FAM98A: variants seen among roughly 807,000 people sequenced by gnomAD.
FAM98A encodes protein FAM98A.
In FAM98A, 25 loss-of-function variants were observed where a neutral mutation model predicts 62.9. The observed-to-expected ratio is 0.40, with a 90% CI of 0.29 to 0.56. FAM98A has a LOEUF of 0.56. Ranked by LOEUF, FAM98A falls within the 20% of genes least tolerant of loss-of-function variation. FAM98A has a pLI of 0.51. For missense variants in FAM98A, 653 were observed against 640.7 expected (o/e 1.02, Z -0.21); for synonymous variants, 252 against 228.6 (o/e 1.10, Z -0.92).
rs765206074 is a variant in FAM98A at position 33,586,564 on chromosome 2, T to C, written c.718A>G (p.Lys240Glu). ...VQSFGWSDRA[K>E]SQTEKLAKVY... ...CTTTTAAATTATTTAATGTGTACCTTAGCTCTGTCAGACCAGCCAAAGGAT... is the reference window on the plus strand; with the variant it reads ...CTTTTAAATTATTTAATGTGTACCTCAGCTCTGTCAGACCAGCCAAAGGAT... The change falls in exon 6 of 8, where the codon AAG (lysine) becomes GAG (glutamate). Residue 240 changes from lysine to glutamate, a missense_variant and splice_region_variant. Coordinates refer to ENST00000238823, the MANE Select transcript of FAM98A (RefSeq NM_015475.5). 3.8e-6 allele frequency: 6 copies of C among 1,579,682 alleles called. No homozygotes were observed. Among genetic ancestry groups the C allele is most frequent in the East Asian group, 2.2e-5 (1 of 44,692 alleles).
chr2:33,585,598 C>A lies in FAM98A; in HGVS notation c.820G>T (p.Asp274Tyr). The A allele has an allele frequency of 6.2e-7, 1 of 1,614,164 alleles. No individual in the cohort carries two copies. The highest frequency in any genetic ancestry group is 8.5e-7 in the Non-Finnish European group (1 of 1,180,038). Residue 274 changes from aspartate to tyrosine, a missense_variant, in exon 7 of 8, where the codon GAC becomes TAC. Transcript: ENST00000238823. ...CTTGTCCTTAAAATCTTTGACAAGT[C>A]CTGCCTTGCAGCCAAAAGATGGGCA... Reference protein sequence around the residue: ...SVAHLLAARQDLSKILRTSSG... With the variant: ...SVAHLLAARQYLSKILRTSSG...
rs930077539 is a variant in FAM98A at position 33,585,127 on chromosome 2, T to C, written c.1206A>G (p.Ser402=). 1.2e-6 allele frequency: 2 copies of C among 1,614,056 alleles called. No individual in the cohort carries two copies. Among genetic ancestry groups the C allele is most frequent in the Admixed American group, 1.7e-5 (1 of 60,008 alleles). ...CATGATAGCCACCTGGCTGGAAACC[T>C]GAATCTCGATAACCACCATCTTGGT... The part of the protein sequence containing the change: ...GGYQDGGYRD[S]GFQPGGYHGG... The change falls in exon 8 of 8, where the codon TCA becomes TCG. Residue 402 remains serine (S), a synonymous_variant. Coordinates refer to ENST00000238823, the MANE Select transcript of FAM98A (RefSeq NM_015475.5).
In FAM98A at chr2:33,599,177, T is replaced by C; in HGVS notation, c.45A>G (p.Glu15=). 1 of 1,613,862 alleles carries C rather than the reference T, an allele frequency of 6.2e-7. No individual in the cohort carries two copies. Among genetic ancestry groups the C allele is most frequent in the Non-Finnish European group, 8.5e-7 (1 of 1,179,786 alleles). The change falls in exon 1 of 8, where the codon GAA becomes GAG. Residue 15 remains glutamate, a synonymous_variant. Transcript: ENST00000238823. The part of the protein sequence containing the change: ...LMETDILESL[E]DLGYKGPLLE... ...TGCCCTGACAATCTTACCCTAGATC[T>C]TCCAACGACTCCAAGATGTCAGTCT... is the stretch of plus-strand genomic sequence containing the variant.
intron 3 of FAM98A, chr2:33,589,200 A>C: frequency 6.6e-6 from 1 of 152,138 alleles, no homozygotes; most frequent in East Asian, 1.9e-4. Flanking sequence ...AAAACCTTCA[A>C]AGCACTTTTT....
At chr2:33,594,894 G>A (rs975202860) in intron 2 of FAM98A, among the ~76,000 whole-genome samples, 1 of 152,176 alleles carries the variant, frequency 6.6e-6, no homozygotes, top group African/African-American at 2.4e-5. Flanking sequence ...TAGGTTCCAA[G>A]CTTTTGCCTC....
At chr2:33,598,386 TAA>T (rs1558552089) in intron 1 of FAM98A, among the ~76,000 whole-genome samples, 3 of 152,234 alleles carry the variant, frequency 2.0e-5, no homozygotes, top group African/African-American at 7.2e-5. Flanking sequence ...TTCTCAAGTT[TAA>T]TAGAGTACAC....
chr2:33,596,863 G>A (rs1413907063), intron 1 of FAM98A, among the ~76,000 whole-genome samples: 1 of 134,954 alleles, frequency 7.4e-6, no homozygotes, highest in African/African-American at 2.9e-5. Context: ...CTGCACTCCA[G>A]CCTGGGCGAC....
rs190968417 is a variant in FAM98A, at chr2:33,584,383, T to C, written c.*393A>G. 4.8e-3 allele frequency: 888 copies of C among 185,580 alleles called. 1 individual carries two copies. Among genetic ancestry groups the C allele is most frequent in the Non-Finnish European group, 7.5e-3 (660 of 88,588 alleles). 11.5% of individuals were successfully genotyped at this position (185,580 alleles called of 1,614,324 possible). On this transcript the variant is annotated 3_prime_UTR_variant, in exon 8 of 8. Transcript: ENST00000238823. ...GGTTATTCATATGAGGAAGGTTTCC[T>C]AGTAGTAAATCTAAAAAAGTCTAGG...
Position 33,584,779 on chromosome 2 carries a change from A to G in FAM98A, c.1554T>C (p.Ser518=). The stretch of plus-strand genomic sequence containing the variant: ...CAAAATGTAAGGTTCGGTAGCCTCA[A>G]CTAGTGTAATGTCTTCCCTGTCCAA... ...SGFGQGRHYT[S] The change falls in exon 8 of 8, where the codon AGT becomes AGC. Residue 518 remains serine, a synonymous_variant. Coordinates refer to ENST00000238823, the MANE Select transcript of FAM98A (RefSeq NM_015475.5). 6.3e-7 allele frequency: 1 copy of G among 1,590,798 alleles called. No individual in the cohort carries two copies. Among genetic ancestry groups the G allele is most frequent in the Non-Finnish European group, 8.6e-7 (1 of 1,162,850 alleles).
At chr2:33,585,994 T>C (rs544918714) in intron 6 of FAM98A, among the ~76,000 whole-genome samples, 123 of 152,346 alleles carry the variant, frequency 8.1e-4, no homozygotes, top group African/African-American at 2.9e-3. Context: ...TCCCCCATCA[T>C]TGGTCTCAGA....
intron 4 of FAM98A, chr2:33,587,971 G>C: frequency 4.2e-6 from 1 of 240,462 alleles, no homozygotes; most frequent in Non-Finnish European, 8.6e-6. Flanking sequence ...TGGGGAGGAG[G>C]GTGGTAACAT....
At position 33,584,633 on chromosome 2, in the gene FAM98A, T is replaced by C; in HGVS notation, c.*143A>G. On this transcript the variant is annotated 3_prime_UTR_variant, in exon 8 of 8. Transcript: ENST00000238823. ...AATAAAAAAATCTAACAGAATTGAA[T>C]GAAGACCTACAAATGCTTATGCCAA... 1.4e-6 allele frequency: 1 copy of C among 701,966 alleles called. No individual in the cohort carries two copies. Among genetic ancestry groups the C allele is most frequent in the East Asian group, 2.5e-5 (1 of 40,126 alleles). The allele number at this position is 701,966 out of a possible 1,614,324, so 43.5% of individuals were successfully genotyped here.
At chr2:33,594,656 CATATATAT>C (rs1341979693) in intron 2 of FAM98A, among the ~76,000 whole-genome samples, 1 of 84,506 alleles carries the variant, frequency 1.2e-5, no homozygotes, top group Non-Finnish European at 2.1e-5. Flanking sequence ...TATATACACA[CATATATAT>C]ACACATATAT....
intron 5 of FAM98A, 159 bp from the exon 6 acceptor site, chr2:33,586,837 A>G: frequency 1.7e-6 from 1 of 590,364 alleles, no homozygotes; most frequent in Non-Finnish European, 3.0e-6. Flanking sequence ...TAATGAAATG[A>G]TAGGTGACAA....
intron 1 of FAM98A, among the ~76,000 whole-genome samples, chr2:33,598,701 G>T (rs1277633848): frequency 6.6e-6 from 1 of 152,172 alleles, no homozygotes; most frequent in Non-Finnish European, 1.5e-5. Context: ...ATGCAGAGAT[G>T]ACTGGGCAAA....
At chr2:33,597,584 A>T (rs1677841482) in intron 1 of FAM98A, among the ~76,000 whole-genome samples, 1 of 152,142 alleles carries the variant, frequency 6.6e-6, no homozygotes, top group Admixed American at 6.5e-5. Flanking sequence ...AAAGTTAAAA[A>T]AAGGAGGGGG....
In FAM98A at chr2:33,584,917, A is replaced by G. The variant is rs11893662; in HGVS notation, c.1416T>C (p.Gly472=). Residue 472 remains glycine, a synonymous_variant, in exon 8 of 8, where the codon GGT becomes GGC. Transcript: ENST00000238823. ...GGRGGRGGRG[G]RAGQGGGWGG... ...CCCAGCCTCCTCCCTGGCCTGCACG[A>G]CCACCTCGGCCTCCACGACCACCTC... 2.7e-3 allele frequency: 4,302 copies of G among 1,613,536 alleles called. 102 individuals are homozygous for G. In the African/African-American group the frequency reaches 0.05, roughly 19 times the overall value.
intron 3 of FAM98A, 170 bp downstream of exon 3, chr2:33,591,910 A>G (rs1023117997): frequency 1.4e-5 from 8 of 558,570 alleles, no homozygotes; most frequent in Admixed American, 1.2e-4. Flanking sequence ...CTACCAGTGC[A>G]CACGTCTACC....
At chr2:33,587,392 A>G (rs1677580629) in intron 4 of FAM98A, 72 bp from the exon 5 acceptor site, 2 of 1,122,888 alleles carry the variant, frequency 1.8e-6, no homozygotes, top group African/African-American at 3.1e-5. Context: ...AATTCCCATC[A>G]TATCTTGCCA....
Sources: allele counts gnomAD v4.1 joint callset (sites outside exome capture counted in the v4.1 genomes callset), GRCh38; gene constraint gnomAD v4.1.1; transcripts MANE v1.5; gene names NCBI Gene and HGNC (gene_info 2026-07-23, HGNC 2026-07-21).